Variants in PCDH15 observed in about 807,000 individuals in gnomAD.
PCDH15 encodes protocadherin-15.
In PCDH15, 129 loss-of-function variants were observed where a neutral mutation model predicts 178.5. The ratio of observed to expected loss-of-function variants is 0.72; its 90% CI spans 0.63 to 0.84. The LOEUF (loss-of-function observed/expected upper bound fraction) is 0.84. Ranked by LOEUF, PCDH15 falls within the 40% of genes least tolerant of loss-of-function variation. The pLI is 0.00. For missense variants in PCDH15, 2,230 were observed against 2,099.9 expected (o/e 1.06, Z -1.21); for synonymous variants, 800 against 732.0 (o/e 1.09, Z -1.50).
intron 20 of PCDH15, among the ~76,000 whole-genome samples, chr10:54,000,751 G>C (rs1225401028): frequency 2.0e-5 from 3 of 152,144 alleles, no homozygotes; most frequent in African/African-American, 7.2e-5. Context: ...GACAGACAAA[G>C]AGATAAGGGT....
intron 1 of PCDH15, among the ~76,000 whole-genome samples, chr10:55,296,928 T>C (rs1441514988): frequency 6.6e-6 from 1 of 152,154 alleles, no homozygotes; most frequent in Non-Finnish European, 1.5e-5. Context: ...TGTTGTTCTA[T>C]TTTGTAATTG....
chr10:54,159,052 T>G (rs569029259), intron 13 of PCDH15, among the ~76,000 whole-genome samples: 2 of 149,448 alleles, frequency 1.3e-5, no homozygotes, highest in African/African-American at 5.0e-5. Flanking sequence ...AAGCTTGCAG[T>G]GAGCCGAGAT....
At chr10:55,469,361 A>T (rs1839908502) in intron 2 of PCDH15, 1 of 152,108 alleles carries the variant, frequency 6.6e-6, no homozygotes, top group Non-Finnish European at 1.5e-5. Flanking sequence ...ATTTTTAAGC[A>T]AATTGTTGAA....
chr10:55,398,625 A>T (rs1837986210), intron 2 of PCDH15, among the ~76,000 whole-genome samples: 1 of 152,220 alleles, frequency 6.6e-6, no homozygotes. Flanking sequence ...ATATAGACCC[A>T]GTCATAACAG....
At chr10:55,598,314 A>G (rs1842976272) in intron 2 of PCDH15, among the ~76,000 whole-genome samples, 1 of 142,328 alleles carries the variant, frequency 7.0e-6, no homozygotes, top group Non-Finnish European at 1.5e-5. Context: ...AACTGGGATT[A>G]GAAACCCCAC....
chr10:55,048,418 C>CA (rs1024598999), intron 2 of PCDH15, among the ~76,000 whole-genome samples: 2 of 151,542 alleles, frequency 1.3e-5, no homozygotes, highest in African/African-American at 2.4e-5. Flanking sequence ...AAGAACAGCA[C>CA]AAAAAAATAG....
At chr10:55,316,913 C>T (rs970907154) in intron 1 of PCDH15, among the ~76,000 whole-genome samples, 6 of 152,062 alleles carry the variant, frequency 3.9e-5, no homozygotes, top group African/African-American at 1.4e-4. Flanking sequence ...AGCTTTCCCC[C>T]AGCACTAGAC....
intron 1 of PCDH15, among the ~76,000 whole-genome samples, chr10:54,727,688 G>A (rs11004508): frequency 0.12 from 18,451 of 151,058 alleles, 1,253 homozygotes; most frequent in African/African-American, 0.17. Flanking sequence ...TAATAGACTG[G>A]TAGCTAGACT....
intron 21 of PCDH15, among the ~76,000 whole-genome samples, chr10:53,970,263 A>G (rs1353099881): frequency 6.6e-6 from 1 of 152,214 alleles, no homozygotes; most frequent in East Asian, 1.9e-4. Context: ...GAGACAAAGA[A>G]GGCCATTACA....
intron 27 of PCDH15, among the ~76,000 whole-genome samples, chr10:53,861,735 G>T (rs2079118370): frequency 6.6e-6 from 1 of 152,118 alleles, no homozygotes. Context: ...GAAATCTGGT[G>T]TGTATTTTAT....
Position 53,917,234 on chromosome 10 carries a change from A to G in PCDH15, c.3374-13864T>C, listed in dbSNP as rs916814126. ...AGAGTTCAAGAAAATCAGACAGTATATAATATTTGACCTAAGACTATTCCA... is the reference window on the plus strand; with the variant it reads ...AGAGTTCAAGAAAATCAGACAGTATGTAATATTTGACCTAAGACTATTCCA... On this transcript the variant is annotated intron_variant, in intron 25 of 37. Transcript: ENST00000644397. Among the ~76,000 whole-genome samples the G allele has an allele frequency of 3.9e-5, 6 of 152,258 alleles. No individual in the cohort carries two copies. In the South Asian group the frequency reaches 1.0e-3, roughly 26 times the overall value.
At chr10:55,155,310 AT>A (rs1838852773) in intron 2 of PCDH15, among the ~76,000 whole-genome samples, 1 of 151,968 alleles carries the variant, frequency 6.6e-6, no homozygotes, top group African/African-American at 2.4e-5. Context: ...TAATTTTATT[AT>A]TTATATGTTC....
rs1199752783 is a variant in PCDH15 at position 55,444,943 on chromosome 10, G to A, written c.-156+182682C>T. On this transcript the variant is annotated intron_variant, in intron 2 of 5. Transcript: ENST00000613346. ...GAAAAGGGAAAATAGGAACTAAGCT[G>A]AAGATGATGAATATATTTAATATTT... Among the ~76,000 whole-genome samples, 7 of 152,074 alleles carry A rather than the reference G, an allele frequency of 4.6e-5. No individual in the cohort carries two copies. The South Asian group carries it at 6.2e-4, about 13-fold the overall frequency.
chr10:54,771,842 C>G (rs933599985), intron 1 of PCDH15, among the ~76,000 whole-genome samples: 1 of 152,044 alleles, frequency 6.6e-6, no homozygotes, highest in Non-Finnish European at 1.5e-5. Context: ...GAAGAATGAT[C>G]AGTATCACTA....
At chr10:54,345,221 C>T (rs955348000) in intron 6 of PCDH15, among the ~76,000 whole-genome samples, 3 of 151,962 alleles carry the variant, frequency 2.0e-5, no homozygotes, top group African/African-American at 7.2e-5. Flanking sequence ...ATTTACTTAA[C>T]ATAATGCAAT....
chr10:54,392,795 A>G (rs1207214376), intron 3 of PCDH15, among the ~76,000 whole-genome samples: 1 of 150,858 alleles, frequency 6.6e-6, no homozygotes, highest in Non-Finnish European at 1.5e-5. Flanking sequence ...GATACTCGAG[A>G]GTCTGAGGCA....
rs1049737074 is a variant in PCDH15, at chr10:55,427,003, T to G, written c.-156+200622A>C. 3.9e-5 allele frequency among the ~76,000 whole-genome samples: 6 copies of G among 152,008 alleles called. No homozygotes were observed. The South Asian group carries it at 6.2e-4, about 16-fold the overall frequency. On this transcript the variant is annotated intron_variant, in intron 2 of 5. Coordinates refer to the PCDH15 transcript ENST00000613346. ...GTGGGTACATCAGGCCATGGATTTT[T>G]TTTTTGGAAAAGGGAACATTCAAAC...
intron 26 of PCDH15, among the ~76,000 whole-genome samples, chr10:53,873,525 A>G (rs936380335): frequency 1.3e-5 from 2 of 152,220 alleles, no homozygotes; most frequent in African/African-American, 4.8e-5. Context: ...GTTCATAATC[A>G]CACATATGGT....
chr10:55,106,668 G>A (rs1178653460), intron 2 of PCDH15, among the ~76,000 whole-genome samples: 1 of 152,008 alleles, frequency 6.6e-6, no homozygotes, highest in Non-Finnish European at 1.5e-5. Context: ...CACCCACCTC[G>A]GCCTCCCAAA....
Sources: allele counts gnomAD v4.1 joint callset (sites outside exome capture counted in the v4.1 genomes callset), GRCh38; gene constraint gnomAD v4.1.1; transcripts MANE v1.5; gene names NCBI Gene and HGNC (gene_info 2026-07-23, HGNC 2026-07-21).